The following SDK1 variants were observed in gnomAD, a reference collection of about 807,000 sequenced individuals.
The protein encoded by SDK1 is sidekick cell adhesion molecule 1, also known as protein sidekick-1.
A neutral mutation model predicts 245.5 loss-of-function variants in SDK1; 157 were observed. The observed-to-expected ratio is 0.64, with a 90% CI of 0.56 to 0.73. SDK1 has a LOEUF of 0.73. SDK1 is among the 30% of genes least tolerant of loss of function. SDK1 has a pLI of 0.00. For synonymous variants in SDK1, 1,647 were observed against 1,278.5 expected (o/e 1.29, Z -6.15); for missense variants, 3,583 against 3,002.3 (o/e 1.19, Z -4.52).
chr7:3,998,273 G>C (rs748958476), intron 14 of SDK1, among the ~76,000 whole-genome samples: 1 of 152,204 alleles, frequency 6.6e-6, no homozygotes, highest in Non-Finnish European at 1.5e-5. Flanking sequence ...AAGCGGCCCC[G>C]GCAGCACCTC....
chr7:3,776,422 G>C (rs577362711), intron 4 of SDK1, among the ~76,000 whole-genome samples: 1 of 152,280 alleles, frequency 6.6e-6, no homozygotes, highest in South Asian at 2.1e-4. Context: ...ACTATCACCT[G>C]AACAAATTAT....
At chr7:4,172,154 G>C (rs942362646) in intron 32 of SDK1, among the ~76,000 whole-genome samples, 4 of 152,210 alleles carry the variant, frequency 2.6e-5, no homozygotes, top group Non-Finnish European at 5.9e-5. Context: ...CCGTCGTGCT[G>C]TTCCTGAATT....
chr7:3,767,337 G>A (rs2114996130), intron 4 of SDK1, among the ~76,000 whole-genome samples: 1 of 152,230 alleles, frequency 6.6e-6, no homozygotes, highest in East Asian at 1.9e-4. Flanking sequence ...AGGGGATTGA[G>A]CAAAGCAGCC....
intron 4 of SDK1, among the ~76,000 whole-genome samples, chr7:3,742,025 A>G (rs1779492280): frequency 7.4e-6 from 1 of 135,412 alleles, no homozygotes; most frequent in Non-Finnish European, 1.6e-5. Context: ...CTGTATTTTT[A>G]AACTGATTTT....
At chr7:4,219,979 C>G in intron 38 of SDK1, 130 bp from the exon 39 acceptor site, 1 of 1,114,610 alleles carries the variant, frequency 9.0e-7, no homozygotes, top group Non-Finnish European at 1.3e-6. Flanking sequence ...CATATAAACT[C>G]CTAATAGTAA....
intron 1 of SDK1, among the ~76,000 whole-genome samples, chr7:3,499,756 A>T (rs1782138646): frequency 6.6e-6 from 1 of 152,166 alleles, no homozygotes; most frequent in Non-Finnish European, 1.5e-5. Context: ...GGAGTTTACC[A>T]AAGCCCCTTC....
At chr7:3,473,045 G>C (rs1781233055) in intron 1 of SDK1, among the ~76,000 whole-genome samples, 1 of 152,068 alleles carries the variant, frequency 6.6e-6, no homozygotes, top group East Asian at 1.9e-4. Flanking sequence ...ATCATCATCA[G>C]CATCCTGACA....
chr7:3,743,949 G>C (rs1277525103), intron 4 of SDK1, among the ~76,000 whole-genome samples: 1 of 152,126 alleles, frequency 6.6e-6, no homozygotes, highest in Non-Finnish European at 1.5e-5. Context: ...ATTTCCTGTG[G>C]CGTTATTATC....
chr7:3,758,568 C>T lies in SDK1; in HGVS notation c.714-62882C>T, dbSNP rs61195078. 6.3e-3 allele frequency among the ~76,000 whole-genome samples: 959 copies of T among 152,266 alleles called. 9 individuals are homozygous for T. Among genetic ancestry groups the T allele is most frequent in the African/African-American group, 0.021 (893 of 41,542 alleles). On this transcript the variant is annotated intron_variant, in intron 4 of 44. Coordinates refer to ENST00000404826, the MANE Select transcript of SDK1 (RefSeq NM_152744.4). ...GTAGGTCAAATGGCTCCTACTGTGG[C>T]CTTGAGAGCTTTCTCCAGTTGGCCA...
chr7:3,871,717 T>A (rs6953282), intron 5 of SDK1, among the ~76,000 whole-genome samples: 40,076 of 151,964 alleles, frequency 0.26, 6,488 homozygotes, highest in African/African-American at 0.46. Flanking sequence ...GAACTAAGTA[T>A]AGTGAATGAC....
At chr7:3,621,766 G>A (rs1202219) in intron 2 of SDK1, among the ~76,000 whole-genome samples, 1 of 152,034 alleles carries the variant, frequency 6.6e-6, no homozygotes, top group African/African-American at 2.4e-5. Context: ...GTAAGACAGA[G>A]TAATATCAAA....
intron 4 of SDK1, among the ~76,000 whole-genome samples, chr7:3,817,378 G>A (rs986163528): frequency 1.3e-5 from 2 of 152,204 alleles, no homozygotes; most frequent in Non-Finnish European, 2.9e-5. Context: ...TCAGGTTAGT[G>A]TCTCCTCCAC....
intron 1 of SDK1, among the ~76,000 whole-genome samples, chr7:3,616,644 A>G (rs1197298023): frequency 6.6e-6 from 1 of 152,362 alleles, no homozygotes; most frequent in African/African-American, 2.4e-5. Context: ...GAATAAATGA[A>G]TAAATACTTG....
At chr7:4,123,949 TTGCTC>T (rs1448214378) in intron 25 of SDK1, among the ~76,000 whole-genome samples, 2 of 152,174 alleles carry the variant, frequency 1.3e-5, no homozygotes, top group Non-Finnish European at 2.9e-5. Flanking sequence ...TCCCAGGCCT[TTGCTC>T]TGCAGGTTCC....
chr7:4,178,377 C>T (rs2128218987), intron 34 of SDK1, 108 bp from the exon 35 acceptor site: 2 of 801,370 alleles, frequency 2.5e-6, no homozygotes, highest in East Asian at 2.5e-5. Flanking sequence ...ATCCCGCCTC[C>T]TCTCCTTGGA....
chr7:3,875,224 C>G (rs1023208625), intron 5 of SDK1, among the ~76,000 whole-genome samples: 2 of 152,146 alleles, frequency 1.3e-5, no homozygotes, highest in Non-Finnish European at 2.9e-5. Context: ...TTCCCTGTAC[C>G]CTTGGTTCTC....
intron 7 of SDK1, among the ~76,000 whole-genome samples, chr7:3,956,097 T>G (rs1781236482): frequency 6.6e-6 from 1 of 152,160 alleles, no homozygotes; most frequent in Admixed American, 6.5e-5. Flanking sequence ...ATCCCCTGTT[T>G]TGTTGGCTGC....
At chr7:3,917,827 G>A (rs1006056895) in intron 5 of SDK1, among the ~76,000 whole-genome samples, 25 of 152,234 alleles carry the variant, frequency 1.6e-4, no homozygotes, top group East Asian at 1.4e-3. Context: ...TGTAGATAGC[G>A]TGGCAAGTGC....
At chr7:3,900,005 A>G (rs937650534) in intron 5 of SDK1, among the ~76,000 whole-genome samples, 8 of 152,374 alleles carry the variant, frequency 5.3e-5, no homozygotes, top group Middle Eastern at 3.4e-3. Context: ...TATTTCAGCC[A>G]TGTGGAAAGC....
Sources: allele counts gnomAD v4.1 joint callset (sites outside exome capture counted in the v4.1 genomes callset), GRCh38; gene constraint gnomAD v4.1.1; transcripts MANE v1.5; gene names NCBI Gene and HGNC (gene_info 2026-07-23, HGNC 2026-07-21).